COL21A1: variants seen among roughly 807,000 people sequenced by gnomAD.
COL21A1 encodes the protein collagen type XXI alpha 1 chain, also known as collagen alpha-1(XXI) chain.
A neutral mutation model predicts 137.9 loss-of-function variants in COL21A1; 149 were observed. The observed-to-expected ratio is 1.08, with a 90% CI of 0.95 to 1.24. The LOEUF (loss-of-function observed/expected upper bound fraction) is 1.24. COL21A1 is among the 50% of genes most tolerant of loss of function. COL21A1 has a pLI of 0.00. For missense variants in COL21A1, 1,167 were observed against 1,158.4 expected (o/e 1.01, Z -0.11); for synonymous variants, 456 against 391.5 (o/e 1.16, Z -1.95).
chr6:56,108,289 TAATC>T (rs537603749), intron 16 of COL21A1, among the ~76,000 whole-genome samples: 157 of 152,016 alleles, frequency 1.0e-3, no homozygotes, highest in African/African-American at 3.7e-3. Flanking sequence ...AAAATAGACT[TAATC>T]TATTAAAATA....
intron 1 of COL21A1, among the ~76,000 whole-genome samples, chr6:56,188,309 C>CA (rs1226969885): frequency 6.6e-6 from 1 of 152,170 alleles, no homozygotes; most frequent in Non-Finnish European, 1.5e-5. Flanking sequence ...TGTGTGTCCA[C>CA]AGCAAAAGAC....
intron 9 of COL21A1, among the ~76,000 whole-genome samples, chr6:56,161,140 A>G (rs1360341478): frequency 2.0e-5 from 3 of 152,212 alleles, no homozygotes; most frequent in Admixed American, 6.5e-5. Context: ...AGTCCCAATG[A>G]ATCTCTAATT....
chr6:56,164,274 GA>G (rs951534786), intron 9 of COL21A1, 148 bp downstream of exon 9: 53 of 615,188 alleles, frequency 8.6e-5, no homozygotes, highest in South Asian at 7.2e-4. Context: ...TGTTTTTCTA[GA>G]AAAAAAATGA....
intron 1 of COL21A1, among the ~76,000 whole-genome samples, chr6:56,389,611 C>T (rs185080139): frequency 4.3e-4 from 66 of 152,150 alleles, no homozygotes; most frequent in African/African-American, 1.2e-3. Flanking sequence ...TGGATTCAAC[C>T]CAAATAAGAC....
intron 7 of COL21A1, 39 bp from the exon 8 acceptor site, chr6:56,164,861 A>G (rs1776453973): frequency 1.4e-6 from 2 of 1,395,196 alleles, no homozygotes; most frequent in African/African-American, 1.5e-5. Context: ...AAATGTTTTA[A>G]ATAAAATTTA....
At chr6:56,376,170 C>G (rs183837155) in intron 1 of COL21A1, among the ~76,000 whole-genome samples, 19 of 152,308 alleles carry the variant, frequency 1.2e-4, no homozygotes, top group Admixed American at 1.0e-3. Flanking sequence ...GAGGAAAAAA[C>G]TAGCTAGCTA....
chr6:56,277,562 C>G (rs1375132191), intron 1 of COL21A1, among the ~76,000 whole-genome samples: 1 of 152,160 alleles, frequency 6.6e-6, no homozygotes, highest in African/African-American at 2.4e-5. Context: ...ACCAAATACA[C>G]TAAATAGTCA....
intron 1 of COL21A1, among the ~76,000 whole-genome samples, chr6:56,361,845 G>C (rs1765978365): frequency 6.6e-6 from 1 of 152,086 alleles, no homozygotes; most frequent in South Asian, 2.1e-4. Context: ...TCTTTAAGTA[G>C]CATTTCTACT....
At chr6:56,339,296 T>C (rs908721477) in intron 1 of COL21A1, among the ~76,000 whole-genome samples, 9 of 152,210 alleles carry the variant, frequency 5.9e-5, no homozygotes, top group African/African-American at 2.2e-4. Context: ...TAAAGGTTTA[T>C]TAGATGGCAA....
intron 1 of COL21A1, among the ~76,000 whole-genome samples, chr6:56,380,678 G>A (rs901849138): frequency 3.3e-5 from 5 of 152,078 alleles, no homozygotes; most frequent in South Asian, 4.2e-4. Context: ...TCTATTTAGT[G>A]CCATATTTTC....
At chr6:56,226,639 A>G (rs986521204) in intron 1 of COL21A1, among the ~76,000 whole-genome samples, 1 of 151,828 alleles carries the variant, frequency 6.6e-6, no homozygotes, top group South Asian at 2.1e-4. Context: ...GTGAAACCCC[A>G]TTTTCCTAAC....
intron 1 of COL21A1, among the ~76,000 whole-genome samples, chr6:56,223,228 G>C (rs1019859625): frequency 2.0e-4 from 30 of 152,114 alleles, no homozygotes; most frequent in African/African-American, 7.0e-4. Context: ...GAGGACAGGA[G>C]CATGTTATTT....
chr6:56,221,450 C>T (rs1443052198), intron 1 of COL21A1, among the ~76,000 whole-genome samples: 3 of 152,058 alleles, frequency 2.0e-5, no homozygotes, highest in Admixed American at 6.6e-5. Flanking sequence ...GGGTCGGGCA[C>T]GGTGGTTCAT....
intron 22 of COL21A1, 45 bp from the exon 23 acceptor site, chr6:56,067,375 G>A: frequency 6.6e-7 from 1 of 1,525,238 alleles, no homozygotes; most frequent in Non-Finnish European, 9.0e-7. Context: ...AGCATATTCT[G>A]TACAGTTTCA....
chr6:56,251,448 G>C (rs535409338), upstream of COL21A1, among the ~76,000 whole-genome samples: 4 of 152,266 alleles, frequency 2.6e-5, no homozygotes, highest in South Asian at 8.3e-4. Context: ...GTCCAAGGGA[G>C]AAAAACATCA....
intron 1 of COL21A1, among the ~76,000 whole-genome samples, chr6:56,306,405 T>G (rs1764453792): frequency 6.6e-6 from 1 of 152,132 alleles, no homozygotes; most frequent in Admixed American, 6.5e-5. Flanking sequence ...CATAGTCCCA[T>G]ATTTCTTGGA....
chr6:56,388,976 T>C (rs974461625), intron 1 of COL21A1, among the ~76,000 whole-genome samples: 2 of 152,170 alleles, frequency 1.3e-5, no homozygotes, highest in African/African-American at 2.4e-5. Flanking sequence ...CAAAATTCAA[T>C]TGACAAACTG....
chr6:56,233,529 A>G (rs1175330544), intron 1 of COL21A1, among the ~76,000 whole-genome samples: 1 of 151,760 alleles, frequency 6.6e-6, no homozygotes. Flanking sequence ...AAATAGCTAG[A>G]TGGAAAATCA....
At chr6:56,202,716 T>C (rs968925653) in intron 1 of COL21A1, among the ~76,000 whole-genome samples, 5 of 152,214 alleles carry the variant, frequency 3.3e-5, no homozygotes, top group African/African-American at 1.2e-4. Context: ...GGTTGTACAC[T>C]ATATTACATA....
Sources: allele counts gnomAD v4.1 joint callset (sites outside exome capture counted in the v4.1 genomes callset), GRCh38; gene constraint gnomAD v4.1.1; transcripts MANE v1.5; gene names NCBI Gene and HGNC (gene_info 2026-07-23, HGNC 2026-07-21).